The following BTC variants were observed in gnomAD, a reference collection of about 807,000 sequenced individuals.
BTC encodes probetacellulin.
A neutral mutation model predicts 18.1 loss-of-function variants in BTC; 13 were observed. The ratio of observed to expected loss-of-function variants is 0.72; its 90% confidence interval spans 0.47 to 1.14. The LOEUF (loss-of-function observed/expected upper bound fraction) is 1.14, where lower values mean the gene tolerates loss of function less well. Ranked by LOEUF, BTC falls within the 50% of genes most tolerant of loss-of-function variation. The pLI, the probability that BTC is intolerant of heterozygous loss-of-function variation, is 0.00. For synonymous variants in BTC, 83 were observed against 79.4 expected (o/e 1.05, Z -0.24); for missense variants, 247 against 224.2 (o/e 1.10, Z -0.65).
At chr4:74,771,609 A>G (rs1460459503) in intron 1 of BTC, among the ~76,000 whole-genome samples, 2 of 152,248 alleles carry the variant, frequency 1.3e-5, no homozygotes, top group Admixed American at 1.3e-4. Context: ...GTCTTTTGAA[A>G]GAGAGGCTCT....
At chr4:74,769,926 T>C (rs182476246) in intron 2 of BTC, 132 bp downstream of exon 2, 1 of 643,176 alleles carries the variant, frequency 1.6e-6, no homozygotes, top group Admixed American at 3.7e-5. Flanking sequence ...AGTGATTAAT[T>C]ACTGTATATA....
At chr4:74,789,915 A>G (rs1452310) in intron 1 of BTC, among the ~76,000 whole-genome samples, 25,489 of 152,134 alleles carry the variant, frequency 0.17, 3,364 homozygotes, top group African/African-American at 0.37. Flanking sequence ...AGGCAAGTGC[A>G]GTAAAGCTCT....
intron 1 of BTC, among the ~76,000 whole-genome samples, chr4:74,777,122 G>A (rs534499950): frequency 6.6e-5 from 10 of 152,238 alleles, no homozygotes; most frequent in African/African-American, 2.2e-4. Context: ...TTTAGGGTCA[G>A]ATGGAGCTGT....
chr4:74,777,115 A>T (rs1725195587), intron 1 of BTC, among the ~76,000 whole-genome samples: 1 of 152,196 alleles, frequency 6.6e-6, no homozygotes, highest in South Asian at 2.1e-4. Context: ...AGGCAGCTTT[A>T]GGGTCAGATG....
chr4:74,748,458 C>T (rs952706792), intron 4 of BTC, among the ~76,000 whole-genome samples: 4 of 151,944 alleles, frequency 2.6e-5, no homozygotes, highest in Non-Finnish European at 5.9e-5. Flanking sequence ...ATGGCGTGAA[C>T]CCGGGAGGCG....
At chr4:74,746,808 A>G (rs1724303366) in intron 5 of BTC, 133 bp from the exon 6 acceptor site, 1 of 152,268 alleles carries the variant, frequency 6.6e-6, no homozygotes. Flanking sequence ...AGTTAGGAGC[A>G]CATATAATTT....
intron 1 of BTC, 99 bp from the exon 2 acceptor site, chr4:74,770,255 AC>A: frequency 1.1e-6 from 1 of 947,676 alleles, no homozygotes; most frequent in East Asian, 2.5e-5. Flanking sequence ...TATGAAAATA[AC>A]AAGACTATGG....
chr4:74,782,407 T>G (rs187793442), intron 1 of BTC, among the ~76,000 whole-genome samples: 18 of 152,208 alleles, frequency 1.2e-4, no homozygotes, highest in Non-Finnish European at 2.4e-4. Flanking sequence ...TTCCAACTTT[T>G]TCATGTCCAT....
chr4:74,750,140 T>C (rs1724420061), intron 4 of BTC, among the ~76,000 whole-genome samples: 1 of 152,100 alleles, frequency 6.6e-6, no homozygotes, highest in African/African-American at 2.4e-5. Context: ...AAAGCCACTC[T>C]GTCTCAGAGA....
At chr4:74,747,338 CGAAAGGAGA>C (rs1387582867) in intron 5 of BTC, among the ~76,000 whole-genome samples, 1 of 152,122 alleles carries the variant, frequency 6.6e-6, no homozygotes. Flanking sequence ...GATCCGAAGG[CGAAAGGAGA>C]GAAAGTTTGG....
At chr4:74,771,649 C>T (rs1560718365) in intron 1 of BTC, among the ~76,000 whole-genome samples, 1 of 151,990 alleles carries the variant, frequency 6.6e-6, no homozygotes, top group African/African-American at 2.4e-5. Context: ...AACATGTTTT[C>T]AAAGAAAGAA....
rs150317459 is a variant in BTC, at chr4:74,791,800, T to C, written c.64+2462A>G. Among the ~76,000 whole-genome samples the C allele has an allele frequency of 6.9e-3, 1,044 of 152,294 alleles. 14 individuals are homozygous for C. The highest frequency in any genetic ancestry group is 0.024 in the African/African-American group (1,007 of 41,560). ...TATTTTGTTTACTTTTTGAAAAGAA[T>C]GTGACATGGAAAGGGCATCACCATC... On this transcript the variant is annotated intron_variant, in intron 1 of 5. Transcript: ENST00000395743.
chr4:74,748,899 A>G (rs1305015301), intron 4 of BTC, among the ~76,000 whole-genome samples: 2 of 152,246 alleles, frequency 1.3e-5, no homozygotes, highest in African/African-American at 4.8e-5. Flanking sequence ...AAGTTGATAT[A>G]ACAAAATAGG....
chr4:74,746,266 G>T lies in BTC; in HGVS notation c.*411C>A, dbSNP rs538362341. On this transcript the variant is annotated 3_prime_UTR_variant, in exon 6 of 6. Transcript: ENST00000395743. ...GATTATAATAGCTATCTCATGGATT[G>T]CTGAAAGGAATAAAGGAAATAATAT... The T allele has an allele frequency of 1.3e-5, 2 of 152,288 alleles. No homozygotes were observed. The highest frequency in any genetic ancestry group is 4.1e-4 in the South Asian group (2 of 4,822). 9.4% of individuals were successfully genotyped at this position (152,288 alleles called of 1,614,324 possible). A position where few individuals can be genotyped will look rare whatever the true frequency, so the allele number is the denominator to read the frequency against.
chr4:74,763,633 A>C (rs1553957543), intron 2 of BTC, among the ~76,000 whole-genome samples: 1 of 152,146 alleles, frequency 6.6e-6, no homozygotes, highest in African/African-American at 2.4e-5. Flanking sequence ...TGGGAGAGAA[A>C]GGGAACATAC....
intron 1 of BTC, among the ~76,000 whole-genome samples, chr4:74,789,625 C>T (rs1035810241): frequency 2.6e-5 from 4 of 152,118 alleles, no homozygotes; most frequent in African/African-American, 4.8e-5. Context: ...TTATGCATGG[C>T]TATCTGTTCT....
intron 3 of BTC, among the ~76,000 whole-genome samples, chr4:74,753,371 A>G (rs1724514423): frequency 3.3e-5 from 5 of 152,202 alleles, no homozygotes; most frequent in Admixed American, 3.3e-4. Flanking sequence ...AAACTGATGC[A>G]CAGAGAAGTT....
chr4:74,747,313 G>C (rs944497278), intron 5 of BTC, among the ~76,000 whole-genome samples: 2 of 152,122 alleles, frequency 1.3e-5, no homozygotes, highest in Admixed American at 1.3e-4. Context: ...TAGCTAGTAG[G>C]AGGCACCTGC....
At chr4:74,777,231 C>T (rs976093960) in intron 1 of BTC, among the ~76,000 whole-genome samples, 10 of 152,266 alleles carry the variant, frequency 6.6e-5, no homozygotes, top group African/African-American at 1.9e-4. Context: ...AACTGAGGCT[C>T]ATAATACCTA....
Sources: gnomAD v4.1 joint callset for allele counts (sites outside exome capture counted in the v4.1 genomes callset) on GRCh38, gnomAD v4.1.1 for gene constraint, MANE v1.5 for transcripts, NCBI Gene and HGNC (gene_info 2026-07-23, HGNC 2026-07-21) for gene names.